Variants in KYNU observed in about 807,000 individuals in gnomAD.
KYNU encodes L-kynurenine hydrolase.
A neutral mutation model predicts 59.2 loss-of-function variants in KYNU; 54 were observed. That is an observed-to-expected ratio of 0.91 (90% CI 0.73 to 1.14). The LOEUF (loss-of-function observed/expected upper bound fraction) is 1.14, where lower values mean the gene tolerates loss of function less well. KYNU is among the 50% of genes most tolerant of loss of function. The pLI is 0.00. For synonymous variants in KYNU, 177 were observed against 192.0 expected (o/e 0.92, Z 0.65); for missense variants, 567 against 554.4 (o/e 1.02, Z -0.23).
At chr2:142,988,988 T>C in intron 10 of KYNU, 1 of 1,043,546 alleles carries the variant, frequency 9.6e-7, no homozygotes, top group Non-Finnish European at 1.5e-6. Flanking sequence ...TTAGTGTGTT[T>C]TACTTTTTTA....
At chr2:143,001,044 T>C (rs1685697314) in intron 10 of KYNU, among the ~76,000 whole-genome samples, 1 of 152,224 alleles carries the variant, frequency 6.6e-6, no homozygotes, top group Non-Finnish European at 1.5e-5. Context: ...CTTCCTTAAG[T>C]ACTGACTATG....
intron 2 of KYNU, among the ~76,000 whole-genome samples, chr2:142,915,588 A>G (rs1036207797): frequency 1.3e-5 from 2 of 152,212 alleles, no homozygotes; most frequent in African/African-American, 2.4e-5. Flanking sequence ...GACATTTTTG[A>G]TGCACTAAAA....
At chr2:142,944,688 G>A (rs904716143) in intron 4 of KYNU, among the ~76,000 whole-genome samples, 10 of 152,128 alleles carry the variant, frequency 6.6e-5, no homozygotes, top group Admixed American at 2.0e-4. Flanking sequence ...AAAAAAGATT[G>A]TTAGTGAAAT....
chr2:143,000,034 A>G (rs1685666872), intron 10 of KYNU, among the ~76,000 whole-genome samples: 1 of 152,184 alleles, frequency 6.6e-6, no homozygotes, highest in Non-Finnish European at 1.5e-5. Flanking sequence ...TTAATACTCT[A>G]TATCCAAATA....
intron 10 of KYNU, among the ~76,000 whole-genome samples, chr2:142,987,054 C>T (rs1224013230): frequency 6.6e-6 from 1 of 151,784 alleles, no homozygotes; most frequent in African/African-American, 2.4e-5. Flanking sequence ...GATATTTAGT[C>T]AACCAGACAT....
At position 143,048,565 on chromosome 2, in the gene KYNU, C is replaced by T. The variant is rs1000663889; in HGVS notation, c.*6393C>T. On this transcript the variant is annotated 3_prime_UTR_variant, in exon 14 of 14. Coordinates refer to ENST00000264170, the MANE Select transcript of KYNU (RefSeq NM_003937.3). ...GATGAAGTACATATATAATTTATTA[C>T]AATTCATTTTAATGAAAAACTTTTA... 5.9e-5 allele frequency: 9 copies of T among 152,012 alleles called. No homozygotes were observed. The highest frequency in any genetic ancestry group is 1.9e-4 in the African/African-American group (8 of 41,376). The allele number at this position is 152,012 out of a possible 1,614,324, so 9.4% of individuals were successfully genotyped here.
intron 10 of KYNU, among the ~76,000 whole-genome samples, chr2:143,020,369 T>C (rs1286591761): frequency 6.6e-6 from 1 of 152,164 alleles, no homozygotes; most frequent in Non-Finnish European, 1.5e-5. Context: ...ATTTCCTTCT[T>C]ACATTCTTCA....
chr2:143,040,452 G>C lies in KYNU; in HGVS notation c.1066G>C (p.Ala356Pro). 1 of 1,612,420 alleles carries C rather than the reference G, an allele frequency of 6.2e-7. No individual in the cohort carries two copies. Among genetic ancestry groups the C allele is most frequent in the East Asian group, 2.2e-5 (1 of 44,852 alleles). The change falls in exon 13 of 14, where the codon GCA (alanine) becomes CCA (proline). Residue 356 changes from alanine to proline, a missense_variant. Coordinates refer to ENST00000264170, the MANE Select transcript of KYNU (RefSeq NM_003937.3). Reference protein sequence around the residue: ...LEIFKQATMKALRKKSVLLTG... With the variant: ...LEIFKQATMKPLRKKSVLLTG... ...GATCTTTAAGCAAGCGACAATGAAGGCATTGCGGAAAAAATCTGTTTTGCT... is the reference window on the plus strand; with the variant it reads ...GATCTTTAAGCAAGCGACAATGAAGCCATTGCGGAAAAAATCTGTTTTGCT...
intron 4 of KYNU, among the ~76,000 whole-genome samples, chr2:142,937,030 G>T (rs750491726): frequency 8.5e-5 from 13 of 152,170 alleles, no homozygotes; most frequent in Non-Finnish European, 1.5e-4. Flanking sequence ...GTGAGGACGG[G>T]ATAAAGGTTT....
At chr2:142,950,650 A>G (rs1385924358) in intron 4 of KYNU, among the ~76,000 whole-genome samples, 1 of 152,176 alleles carries the variant, frequency 6.6e-6, no homozygotes, top group African/African-American at 2.4e-5. Flanking sequence ...TCAAGATGAG[A>G]TTTGAGTGGG....
At chr2:143,039,553 G>A (rs1686976672) in intron 12 of KYNU, among the ~76,000 whole-genome samples, 1 of 151,968 alleles carries the variant, frequency 6.6e-6, no homozygotes. Context: ...ATTGAGGGTT[G>A]GGCTGCTATT....
chr2:142,935,025 A>C (rs746369893), intron 4 of KYNU, among the ~76,000 whole-genome samples: 5 of 152,064 alleles, frequency 3.3e-5, no homozygotes, highest in African/African-American at 1.2e-4. Flanking sequence ...ATTTGAGACT[A>C]CCTGTGTTTT....
rs747776654 is a variant in KYNU, at chr2:143,042,144, T to C, written c.1370T>C (p.Ile457Thr). ...AAATTTACCAATCTGCTCACTTCTA[T>C]ACTTGACTCTGCAGAAACAAAAAAT... ...VYKFTNLLTSILDSAETKN is the reference protein window; with the variant it reads ...VYKFTNLLTSTLDSAETKN The change falls in exon 14 of 14, where the codon ATA (isoleucine) becomes ACA (threonine). Residue 457 changes from isoleucine to threonine, a missense_variant. By Grantham distance (89) the Ile-to-Thr change is moderately conservative (BLOSUM62 -1). Transcript: ENST00000264170. The C allele has an allele frequency of 6.2e-7, 1 of 1,610,342 alleles. No individual in the cohort carries two copies. The highest frequency in any genetic ancestry group is 8.5e-7 in the Non-Finnish European group (1 of 1,178,472).
intron 7 of KYNU, among the ~76,000 whole-genome samples, chr2:142,958,678 A>C (rs1684244902): frequency 6.6e-6 from 1 of 152,224 alleles, no homozygotes; most frequent in Non-Finnish European, 1.5e-5. Flanking sequence ...GCTAATAATC[A>C]CATAAGTGAC....
intron 2 of KYNU, 103 bp downstream of exon 2, chr2:142,885,639 G>C: frequency 1.9e-6 from 2 of 1,060,364 alleles, no homozygotes; most frequent in South Asian, 2.9e-5. Flanking sequence ...TTACATAATA[G>C]AGCTGTTGCA....
intron 2 of KYNU, among the ~76,000 whole-genome samples, chr2:142,889,593 A>G (rs1165727903): frequency 6.6e-6 from 1 of 152,166 alleles, no homozygotes. Context: ...AGTACTCAGC[A>G]TTCCAAGGCA....
rs941936657 is a variant in KYNU at position 143,053,040 on chromosome 2, G to A, written c.*10868G>A. On this transcript the variant is annotated 3_prime_UTR_variant, in exon 14 of 14. Coordinates refer to ENST00000264170, the MANE Select transcript of KYNU (RefSeq NM_003937.3). ...TTGCATCAGTGTGACCTGGATGTGA[G>A]ACATGGAGTCAAAGGAGATCATTTT... 6.6e-6 allele frequency: 1 copy of A among 152,412 alleles called. No individual in the cohort carries two copies. Among genetic ancestry groups the A allele is most frequent in the Non-Finnish European group, 1.5e-5 (1 of 68,162 alleles). 9.4% of individuals were successfully genotyped at this position (152,412 alleles called of 1,614,324 possible). A position where few individuals can be genotyped will look rare whatever the true frequency, so the allele number is the denominator to read the frequency against.
rs1476276201 is a variant in KYNU, at chr2:143,045,856, A to C, written c.*3684A>C. The C allele has an allele frequency of 6.6e-6, 1 of 152,132 alleles. No homozygotes were observed. Among genetic ancestry groups the C allele is most frequent in the Non-Finnish European group, 1.5e-5 (1 of 68,016 alleles). The allele number at this position is 152,132 out of a possible 1,614,324, so 9.4% of individuals were successfully genotyped here. A position where few individuals can be genotyped will look rare whatever the true frequency, so the allele number is the denominator to read the frequency against. On this transcript the variant is annotated 3_prime_UTR_variant, in exon 14 of 14. Coordinates refer to ENST00000264170, the MANE Select transcript of KYNU (RefSeq NM_003937.3). ...CAAAACATATGTGTTTTCAGTTCTC[A>C]TGGAACAAGCAGCTTAGTAGGAGAA... is the stretch of plus-strand genomic sequence containing the variant.
intron 2 of KYNU, among the ~76,000 whole-genome samples, chr2:142,915,613 TAA>T (rs1046261878): frequency 2.0e-5 from 3 of 152,168 alleles, no homozygotes; most frequent in Non-Finnish European, 4.4e-5. Context: ...CCTCAAGCAA[TAA>T]AGTGAGTTTT....
Sources: allele counts gnomAD v4.1 joint callset (sites outside exome capture counted in the v4.1 genomes callset), GRCh38; gene constraint gnomAD v4.1.1; transcripts MANE v1.5; gene names NCBI Gene and HGNC (gene_info 2026-07-23, HGNC 2026-07-21).